Variants in FKBP9 observed in about 807,000 individuals in gnomAD.
FKBP9 encodes the protein FKBP prolyl isomerase 9, also known as peptidyl-prolyl cis-trans isomerase FKBP9.
A neutral mutation model predicts 55.6 loss-of-function variants in FKBP9; 27 were observed. That is an observed-to-expected ratio of 0.49 (90% CI 0.36 to 0.67). FKBP9 has a LOEUF of 0.67. Ranked by LOEUF, FKBP9 falls within the 30% of genes least tolerant of loss-of-function variation. The probability of loss-of-function intolerance (pLI) is 0.00; values close to 1 mark genes in which losing one functional copy is unlikely to be tolerated. For missense variants in FKBP9, 539 were observed against 742.8 expected (o/e 0.73, Z 3.19); for synonymous variants, 267 against 296.5 (o/e 0.90, Z 1.02).
chr7:32,959,339 A>G (rs1783972291), intron 1 of FKBP9, among the ~76,000 whole-genome samples: 2 of 152,232 alleles, frequency 1.3e-5, no homozygotes, highest in Admixed American at 1.3e-4. Context: ...TGGGAGGCGG[A>G]GCCTGCAGTG....
chr7:32,969,467 C>T (rs528228455), intron 1 of FKBP9, among the ~76,000 whole-genome samples: 3 of 152,228 alleles, frequency 2.0e-5, no homozygotes, highest in African/African-American at 4.8e-5. Flanking sequence ...TTCCCAGCAC[C>T]GTTTATTGAA....
At chr7:32,973,699 T>TTG (rs1784298782) in intron 1 of FKBP9, among the ~76,000 whole-genome samples, 1 of 130,286 alleles carries the variant, frequency 7.7e-6, no homozygotes, top group Non-Finnish European at 1.7e-5. Flanking sequence ...TTTTTTTTTT[T>TTG]TTTTTTTTTG....
intron 6 of FKBP9, among the ~76,000 whole-genome samples, chr7:32,989,684 T>C (rs1378130157): frequency 6.6e-6 from 1 of 152,218 alleles, no homozygotes; most frequent in African/African-American, 2.4e-5. Context: ...CTTCCCAAAG[T>C]GCTGGGATTA....
chr7:32,994,827 A>G (rs990506129), intron 6 of FKBP9, among the ~76,000 whole-genome samples: 2 of 152,030 alleles, frequency 1.3e-5, no homozygotes, highest in African/African-American at 4.8e-5. Context: ...GAGAGAGACC[A>G]ATCAAGAAGC....
At chr7:32,965,066 C>T (rs1211197923) in intron 1 of FKBP9, among the ~76,000 whole-genome samples, 1 of 152,252 alleles carries the variant, frequency 6.6e-6, no homozygotes, top group Non-Finnish European at 1.5e-5. Flanking sequence ...GGGTAGTTCC[C>T]GTGCCCAGTG....
At chr7:32,961,974 G>A (rs1214756649) in intron 1 of FKBP9, among the ~76,000 whole-genome samples, 1 of 151,874 alleles carries the variant, frequency 6.6e-6, no homozygotes, top group East Asian at 1.9e-4. Flanking sequence ...TGGAAATAAA[G>A]TGCACAATAA....
At chr7:32,971,052 GT>G (rs1784243142) in intron 1 of FKBP9, among the ~76,000 whole-genome samples, 1 of 150,532 alleles carries the variant, frequency 6.6e-6, no homozygotes, top group African/African-American at 2.5e-5. Flanking sequence ...GAACAGCTTC[GT>G]TTGGGTGTGT....
chr7:32,962,597 CT>C (rs1463833665), intron 1 of FKBP9, among the ~76,000 whole-genome samples: 1 of 151,818 alleles, frequency 6.6e-6, no homozygotes, highest in East Asian at 2.0e-4. Context: ...CCTCAGCCCC[CT>C]GAGTAGCTGG....
chr7:32,980,244 T>C (rs1033764245), intron 4 of FKBP9, 120 bp from the exon 5 acceptor site: 3 of 845,746 alleles, frequency 3.5e-6, no homozygotes, highest in Non-Finnish European at 5.4e-6. Context: ...TGGAAGAACA[T>C]TTGTTTCCTT....
chr7:32,973,580 A>AGTGTGTGTGTGTGTGTGTGTGTGT (rs10566069), intron 1 of FKBP9, among the ~76,000 whole-genome samples: 1 of 144,012 alleles, frequency 6.9e-6, no homozygotes, highest in East Asian at 2.2e-4. Context: ...AAAAAAATCA[A>AGTGTGTGTGTGTGTGTGTGTGTGT]GTGTGTGTGT....
chr7:32,989,346 C>T (rs1045419694), intron 6 of FKBP9, among the ~76,000 whole-genome samples: 9 of 152,156 alleles, frequency 5.9e-5, no homozygotes, highest in African/African-American at 1.9e-4. Context: ...TACATGTTGA[C>T]TTTAGAAAAA....
chr7:32,995,613 G>A lies in FKBP9; in HGVS notation c.1040-550G>A, dbSNP rs558886945. On this transcript the variant is annotated intron_variant, in intron 6 of 9. Coordinates refer to ENST00000242209, the MANE Select transcript of FKBP9 (RefSeq NM_007270.5). The stretch of plus-strand genomic sequence containing the variant: ...TAAATAATTTAGTATAGAACAAATA[G>A]GATGTATTCTAAAAGCACCTTGTGA... Among the ~76,000 whole-genome samples the A allele has an allele frequency of 4.6e-5, 7 of 152,306 alleles. No individual in the cohort carries two copies. The South Asian group carries it at 1.4e-3, about 32-fold the overall frequency.
intron 5 of FKBP9, among the ~76,000 whole-genome samples, chr7:32,985,328 C>A (rs1453836005): frequency 6.6e-6 from 1 of 151,834 alleles, no homozygotes; most frequent in Non-Finnish European, 1.5e-5. Context: ...AGGCACATGC[C>A]ACCAGGCCCG....
At chr7:32,978,331 A>C (rs1301318918) in intron 4 of FKBP9, among the ~76,000 whole-genome samples, 1 of 151,864 alleles carries the variant, frequency 6.6e-6, no homozygotes, top group Non-Finnish European at 1.5e-5. Context: ...AGTGCCATAA[A>C]TATGTCTTAA....
At chr7:32,991,068 C>A (rs1167438747) in intron 6 of FKBP9, among the ~76,000 whole-genome samples, 2 of 152,222 alleles carry the variant, frequency 1.3e-5, no homozygotes, top group African/African-American at 4.8e-5. Context: ...TGGATTTCTA[C>A]TTCTAGTCAA....
At chr7:32,976,689 C>T (rs1784369262) in intron 4 of FKBP9, among the ~76,000 whole-genome samples, 190 bp downstream of exon 4, 1 of 152,192 alleles carries the variant, frequency 6.6e-6, no homozygotes, top group African/African-American at 2.4e-5. Context: ...GGTCACACTG[C>T]TACATTTTAG....
In FKBP9 at chr7:32,982,209, C is replaced by T. The variant is rs182945641; in HGVS notation, c.893+1656C>T. Among the ~76,000 whole-genome samples the T allele has an allele frequency of 8.3e-3, 1,259 of 152,012 alleles. 21 individuals are homozygous for T. Among genetic ancestry groups the T allele is most frequent in the African/African-American group, 0.029 (1,203 of 41,486 alleles). On this transcript the variant is annotated intron_variant, in intron 5 of 9. Coordinates refer to ENST00000242209, the MANE Select transcript of FKBP9 (RefSeq NM_007270.5). ...CTAATTTTTGTATTTTTAGTAGAAA[C>T]GGGGTTTCACCATATTGGCCAGGCT...
rs1467007399 is a variant in FKBP9 at position 32,976,463 on chromosome 7, A to G, written c.667A>G (p.Ile223Val). ...TGTGGGTGAGAAGCGCATCATCACC[A>G]TTCCTCCTTTTCTGGCCTATGGAGA... ...MCVGEKRIIT[I>V]PPFLAYGEDG... Residue 223 changes from isoleucine (I) to valine (V), a missense_variant, in exon 4 of 10, where the codon ATT (isoleucine) becomes GTT (valine). Transcript: ENST00000242209. The G allele has an allele frequency of 9.3e-6, 15 of 1,613,088 alleles. No individual in the cohort carries two copies. The highest frequency in any genetic ancestry group is 1.3e-5 in the Non-Finnish European group (15 of 1,179,520).
intron 5 of FKBP9, among the ~76,000 whole-genome samples, chr7:32,984,815 G>A (rs1271880575): frequency 6.6e-6 from 1 of 152,094 alleles, no homozygotes; most frequent in Non-Finnish European, 1.5e-5. Context: ...TCCAACATCC[G>A]TCATGAATGA....
Sources: gnomAD v4.1 joint callset for allele counts (sites outside exome capture counted in the v4.1 genomes callset) on GRCh38, gnomAD v4.1.1 for gene constraint, MANE v1.5 for transcripts, NCBI Gene and HGNC (gene_info 2026-07-23, HGNC 2026-07-21) for gene names.